Variants in PLA2G5 observed in about 807,000 individuals in gnomAD.
The protein encoded by PLA2G5 is phospholipase A2 group V.
A neutral mutation model predicts 15.9 loss-of-function variants in PLA2G5; 12 were observed. The ratio of observed to expected loss-of-function variants is 0.76; its 90% CI spans 0.48 to 1.23. PLA2G5 has a LOEUF of 1.23. Among genes scored for constraint, PLA2G5 ranks in the 50% most tolerant of loss-of-function variants. The probability of loss-of-function intolerance (pLI) is 0.00; values close to 1 mark genes in which losing one functional copy is unlikely to be tolerated. For synonymous variants in PLA2G5, 71 were observed against 71.4 expected (o/e 0.99, Z 0.03); for missense variants, 169 against 177.1 (o/e 0.95, Z 0.26).
chr1:20,030,999 T>C (rs1012901375), intron 1 of PLA2G5, among the ~76,000 whole-genome samples: 5 of 152,232 alleles, frequency 3.3e-5, no homozygotes, highest in Admixed American at 2.6e-4. Flanking sequence ...GTCTGATCTC[T>C]CTTTCTTTCC....
At chr1:20,068,299 G>T (rs2015157163), upstream of PLA2G5, among the ~76,000 whole-genome samples, 1 of 152,110 alleles carries the variant, frequency 6.6e-6, no homozygotes, top group Non-Finnish European at 1.5e-5. Flanking sequence ...AAAGCCCTAA[G>T]TGTAAAACCC....
Position 20,054,026 on chromosome 1 carries a change from C to T in PLA2G5, n.277-5606C>T, listed in dbSNP as rs187727258. On this transcript the variant is annotated intron_variant and non_coding_transcript_variant, in intron 1 of 6. Transcript: ENST00000460175. ...ATTTGTTATCTCACAAGACTGCAAA[C>T]AAGATGCTGTTTGGACCATGTTCCT... 7.2e-5 allele frequency among the ~76,000 whole-genome samples: 11 copies of T among 152,310 alleles called. No individual in the cohort carries two copies. In the East Asian group the frequency reaches 1.7e-3, roughly 24 times the overall value.
At chr1:20,029,975 T>C (rs1289025312) in intron 1 of PLA2G5, among the ~76,000 whole-genome samples, 2 of 152,192 alleles carry the variant, frequency 1.3e-5, no homozygotes, top group Non-Finnish European at 2.9e-5. Flanking sequence ...GGGGGTTGAA[T>C]CCTGGATAAA....
At chr1:20,064,053 C>G (rs779368584) in intron 2 of PLA2G5, among the ~76,000 whole-genome samples, 3 of 152,142 alleles carry the variant, frequency 2.0e-5, no homozygotes, top group Non-Finnish European at 4.4e-5. Context: ...CTTTGACTGC[C>G]AGGGAGCATT....
In PLA2G5 at chr1:20,086,354, C is replaced by T. The variant is rs1569834879; in HGVS notation, c.185+127C>T. Reference sequence around the variant, plus strand: ...TTTTACAAATAAGAAAACTAAGCCTCAAAGAAATTAGCTGGCAATCCCAAG... The same window carrying T: ...TTTTACAAATAAGAAAACTAAGCCTTAAAGAAATTAGCTGGCAATCCCAAG... On this transcript the variant is annotated intron_variant, in intron 3 of 4. Coordinates refer to ENST00000375108, the MANE Select transcript of PLA2G5 (RefSeq NM_000929.3). 28 of 1,102,092 alleles carry T rather than the reference C, an allele frequency of 2.5e-5. No individual in the cohort carries two copies. In the East Asian group the frequency reaches 6.8e-4, roughly 27 times the overall value. The allele number at this position is 1,102,092 out of a possible 1,614,324, so 68.3% of individuals were successfully genotyped here. A position where few individuals can be genotyped will look rare whatever the true frequency, so the allele number is the denominator to read the frequency against.
intron 1 of PLA2G5, among the ~76,000 whole-genome samples, chr1:20,041,331 A>G (rs1557725393): frequency 6.6e-6 from 1 of 152,236 alleles, no homozygotes; most frequent in African/African-American, 2.4e-5. Flanking sequence ...TGTGTGAGAA[A>G]TAAAGCTTTT....
chr1:20,032,427 C>T (rs1056902380), intron 1 of PLA2G5, among the ~76,000 whole-genome samples: 5 of 151,310 alleles, frequency 3.3e-5, no homozygotes, highest in African/African-American at 1.2e-4. Flanking sequence ...TCAGAAGGTA[C>T]TGGATTTGTT....
chr1:20,082,368 A>G (rs2016076610), intron 1 of PLA2G5, among the ~76,000 whole-genome samples: 1 of 151,488 alleles, frequency 6.6e-6, no homozygotes, highest in African/African-American at 2.4e-5. Flanking sequence ...CTGTAGTTGT[A>G]CGCATGCTCC....
At chr1:20,066,601 T>C (rs11580103), upstream of PLA2G5, among the ~76,000 whole-genome samples, 1,119 of 152,366 alleles carry the variant, frequency 7.3e-3, 7 homozygotes, top group Admixed American at 0.012. Context: ...GAACTTTCTA[T>C]TGAATCATTC....
In PLA2G5 at chr1:20,083,386, C is replaced by T. The variant is rs374735912; in HGVS notation, c.-10-1435C>T. Among the ~76,000 whole-genome samples, 135 of 151,896 alleles carry T rather than the reference C, an allele frequency of 8.9e-4. 3 individuals are homozygous for T. Among genetic ancestry groups the T allele is most frequent in the African/African-American group, 3.1e-3 (129 of 41,222 alleles). On this transcript the variant is annotated intron_variant, in intron 1 of 4. Coordinates refer to ENST00000375108, the MANE Select transcript of PLA2G5 (RefSeq NM_000929.3). ...TTTGGAGGCCAGGTCTTGGGAGGCG[C>T]CAGGGGTTCAGGTAGAGCTCTGGCA...
intron 1 of PLA2G5, among the ~76,000 whole-genome samples, chr1:20,057,533 C>G (rs2014497755): frequency 6.6e-6 from 1 of 152,194 alleles, no homozygotes; most frequent in Non-Finnish European, 1.5e-5. Context: ...GAGTCTCGCT[C>G]TGTCACCCAG....
rs543275512 is a variant in PLA2G5 at position 20,053,476 on chromosome 1, A to G, written n.277-6156A>G. 1.3e-4 allele frequency among the ~76,000 whole-genome samples: 20 copies of G among 149,348 alleles called. 1 individual carries two copies. The South Asian group carries it at 4.0e-3, about 30-fold the overall frequency. On this transcript the variant is annotated intron_variant and non_coding_transcript_variant, in intron 1 of 6. Transcript: ENST00000460175. ...CCTGCCTCCCTTAAGTGTGATTATG[A>G]AATTTATTTTTCATATAGTTATATT...
chr1:20,046,497 C>A (rs926886608), intron 1 of PLA2G5, among the ~76,000 whole-genome samples: 1 of 152,230 alleles, frequency 6.6e-6, no homozygotes, highest in Non-Finnish European at 1.5e-5. Flanking sequence ...CTCCTTCCCT[C>A]TCTTGCCATC....
At chr1:20,029,648 T>TC (rs1180238654) in intron 1 of PLA2G5, among the ~76,000 whole-genome samples, 2 of 152,058 alleles carry the variant, frequency 1.3e-5, no homozygotes, top group Non-Finnish European at 2.9e-5. Context: ...ACCCAGCACG[T>TC]CCCTTCTCCC....
intron 1 of PLA2G5, among the ~76,000 whole-genome samples, chr1:20,082,175 C>CA (rs1379863467): frequency 2.0e-5 from 3 of 151,998 alleles, no homozygotes; most frequent in Admixed American, 2.0e-4. Context: ...GAAGAGGGGC[C>CA]AACCAGGCGA....
upstream of PLA2G5, among the ~76,000 whole-genome samples, chr1:20,067,909 A>G (rs1405553105): frequency 6.6e-6 from 1 of 152,150 alleles, no homozygotes; most frequent in Admixed American, 6.5e-5. Context: ...TCCTGAGGTA[A>G]GGAGTTCGTG....
At chr1:20,053,320 T>C (rs1274768688) in intron 1 of PLA2G5, among the ~76,000 whole-genome samples, 2 of 152,194 alleles carry the variant, frequency 1.3e-5, no homozygotes, top group African/African-American at 4.8e-5. Context: ...TGATAATCCA[T>C]ACCTCTGTGA....
intron 1 of PLA2G5, among the ~76,000 whole-genome samples, chr1:20,059,109 T>G (rs1569716636): frequency 9.8e-6 from 1 of 102,426 alleles, no homozygotes; most frequent in Non-Finnish European, 1.8e-5. Context: ...GGTGATAGAG[T>G]GAGACTGTCT....
intron 3 of PLA2G5, among the ~76,000 whole-genome samples, chr1:20,087,547 A>ACATGGGCAAATAGAAACATTCTTTTGCT (rs2016354656): frequency 1.3e-5 from 2 of 151,820 alleles, no homozygotes; most frequent in Admixed American, 1.3e-4. Context: ...TTTTTTATAC[A>ACATGGGCAAATAGAAACATTCTTTTGCT]CATGGGCAAA....
Sources: gnomAD v4.1 joint callset for allele counts (sites outside exome capture counted in the v4.1 genomes callset) on GRCh38, gnomAD v4.1.1 for gene constraint, MANE v1.5 for transcripts, NCBI Gene and HGNC (gene_info 2026-07-23, HGNC 2026-07-21) for gene names.